Variants in MAPK8IP1 observed in about 807,000 individuals in gnomAD.
MAPK8IP1 encodes mitogen-activated protein kinase 8 interacting protein 1.
In MAPK8IP1, 17 loss-of-function variants were observed where a neutral mutation model predicts 72.6. That is an observed-to-expected ratio of 0.23 (90% confidence interval 0.16 to 0.35). The LOEUF (loss-of-function observed/expected upper bound fraction) is 0.35, where lower values mean the gene tolerates loss of function less well. Among genes scored for constraint, MAPK8IP1 ranks in the 10% least tolerant of loss-of-function variants. The pLI is 1.00. For synonymous variants in MAPK8IP1, 401 were observed against 443.4 expected (o/e 0.90, Z 1.20); for missense variants, 789 against 1,009.7 (o/e 0.78, Z 2.96).
chr11:45,896,594 GCA>G, intron 1 of MAPK8IP1: 1 of 1,296,806 alleles, frequency 7.7e-7, no homozygotes, highest in Non-Finnish European at 9.8e-7. Context: ...CACAGCGGCA[GCA>G]GCGCAAGGGC....
At chr11:45,887,325 C>T (rs950624626) in intron 1 of MAPK8IP1, among the ~76,000 whole-genome samples, 11 of 152,176 alleles carry the variant, frequency 7.2e-5, no homozygotes, top group Non-Finnish European at 1.6e-4. Context: ...AAAAGCACAT[C>T]AGGTCAGTGT....
chr11:45,897,320 G>C (rs1376926352), intron 1 of MAPK8IP1, among the ~76,000 whole-genome samples: 1 of 152,100 alleles, frequency 6.6e-6, no homozygotes, highest in Non-Finnish European at 1.5e-5. Context: ...GGCTGGCCTA[G>C]GGAGAGGGGG....
Position 45,904,686 on chromosome 11 carries a change from G to A in MAPK8IP1, c.1777-32G>A, listed in dbSNP as rs745873879. The A allele has an allele frequency of 1.9e-6, 3 of 1,606,146 alleles. No homozygotes were observed. Among genetic ancestry groups the A allele is most frequent in the South Asian group, 1.1e-5 (1 of 90,942 alleles). On this transcript the variant is annotated intron_variant, in intron 8 of 11. Coordinates refer to ENST00000241014, the MANE Select transcript of MAPK8IP1 (RefSeq NM_005456.4). This position sits in a 1 kb window ranked among gnomAD's most constrained non-coding sequence, Gnocchi z 6.4. ...GGAGGGATCAGCAGAGGAACAGACA[G>A]CAGCTGACGTGGCTCCATTTGTCAC...
chr11:45,904,881 C>G lies in MAPK8IP1; in HGVS notation c.1893+47C>G. ...CCTTCCTTCCATGGCCCCAAGCTCT[C>G]CCCCAAGACTTGTGATGAAGAGGCC... On this transcript the variant is annotated intron_variant, in intron 9 of 11. Transcript: ENST00000241014. This position sits in a 1 kb window ranked among gnomAD's most constrained non-coding sequence, Gnocchi z 6.4. 1 of 1,606,728 alleles carries G rather than the reference C, an allele frequency of 6.2e-7. No homozygotes were observed. The highest frequency in any genetic ancestry group is 8.5e-7 in the Non-Finnish European group (1 of 1,173,482).
rs1322610743 is a variant in MAPK8IP1, at chr11:45,906,303, G to T, written c.*582G>T. Reference sequence around the variant, plus strand: ...GGTGGCTCCTGCCACTGACCTCACCGGCATGCTGGCCTGTGGCAGGCCTAG... The same window carrying T: ...GGTGGCTCCTGCCACTGACCTCACCTGCATGCTGGCCTGTGGCAGGCCTAG... On this transcript the variant is annotated 3_prime_UTR_variant, in exon 12 of 12. Transcript: ENST00000241014. 2.5e-6 allele frequency: 1 copy of T among 395,636 alleles called. No homozygotes were observed. The highest frequency in any genetic ancestry group is 4.5e-6 in the Non-Finnish European group (1 of 223,374). The allele number at this position is 395,636 out of a possible 1,614,324, so 24.5% of individuals were successfully genotyped here. A position where few individuals can be genotyped will look rare whatever the true frequency, so the allele number is the denominator to read the frequency against.
rs546517121 is a variant in MAPK8IP1, at chr11:45,900,237, A to C, written c.307A>C (p.Thr103Pro). ...QMDLIDATGD[T>P]PGAEDDEEDD... is the part of the protein sequence containing the mutation. ...GGACCTGATCGACGCGACGGGGGACACTCCCGGGGCCGAGGACGACGAGGA... is the reference window on the plus strand; with the variant it reads ...GGACCTGATCGACGCGACGGGGGACCCTCCCGGGGCCGAGGACGACGAGGA... The change falls in exon 3 of 12, where the codon ACT becomes CCT. Residue 103 changes from threonine to proline, a missense_variant. This residue lies in a region of MAPK8IP1 where 112 missense variants were observed against 192.8 expected (regional missense o/e 0.58). Transcript: ENST00000241014. The surrounding 1 kb of genome is among the most constrained non-coding windows in gnomAD (Gnocchi z 6.5). 131 of 1,331,126 alleles carry C rather than the reference A, an allele frequency of 9.8e-5. No homozygotes were observed. The East Asian group carries it at 4.1e-3, about 41-fold the overall frequency. 82.5% of individuals were successfully genotyped at this position (1,331,126 alleles called of 1,614,324 possible). A position where few individuals can be genotyped will look rare whatever the true frequency, so the allele number is the denominator to read the frequency against.
intron 1 of MAPK8IP1, among the ~76,000 whole-genome samples, chr11:45,886,942 G>A (rs919081360): frequency 2.0e-5 from 3 of 152,096 alleles, no homozygotes; most frequent in African/African-American, 7.2e-5. Context: ...CCTCAGGTGG[G>A]CAGAGACCCC....
chr11:45,894,317 G>C (rs1257522008), intron 1 of MAPK8IP1, among the ~76,000 whole-genome samples: 1 of 152,136 alleles, frequency 6.6e-6, no homozygotes, highest in Non-Finnish European at 1.5e-5. Context: ...TTCCAAGCCT[G>C]ATATGGTGAT....
intron 3 of MAPK8IP1, 92 bp from the exon 4 acceptor site, chr11:45,901,888 C>T (rs987340362): frequency 1.1e-6 from 1 of 938,422 alleles, no homozygotes; most frequent in African/African-American, 1.6e-5. Context: ...GCAAATGGCC[C>T]TAGGGATGGC....
In MAPK8IP1 at chr11:45,904,582, CT is replaced by C; in HGVS notation, c.1776+20del. On this transcript the variant is annotated intron_variant, in intron 8 of 11. Coordinates refer to ENST00000241014, the MANE Select transcript of MAPK8IP1 (RefSeq NM_005456.4). The surrounding 1 kb of genome is among the most constrained non-coding windows in gnomAD (Gnocchi z 6.4). ...TGCAAAAGGTACCTGAGCCCTCTCC[CT>C]TCTCCTCCCTTGGATGGGTCCCTGG... 1 of 1,611,516 alleles carries C rather than the reference CT, an allele frequency of 6.2e-7. No homozygotes were observed. Among genetic ancestry groups the C allele is most frequent in the South Asian group, 1.1e-5 (1 of 91,036 alleles).
chr11:45,896,851 CGCAGCCCCCCG>C (rs1389018342), intron 1 of MAPK8IP1: 1 of 1,548,404 alleles, frequency 6.5e-7, no homozygotes. Flanking sequence ...CCTGGGGCCC[CGCAGCCCCCCG>C]GCCGGGCAGG....
intron 1 of MAPK8IP1, among the ~76,000 whole-genome samples, chr11:45,895,646 A>T (rs1471121844): frequency 6.9e-6 from 1 of 144,754 alleles, no homozygotes. Context: ...ATATATATAT[A>T]TATATATATA....
rs1292521691 is a variant in MAPK8IP1, at chr11:45,898,227, G to A, written c.207+37G>A. On this transcript the variant is annotated intron_variant, in intron 2 of 11. Transcript: ENST00000241014. ...CTCCCAGGAGCTCCTGAGTGGGGTG[G>A]CAGGAAGGCTAGGGACAGGGGTAAG... 9.6e-6 allele frequency: 14 copies of A among 1,460,714 alleles called. No homozygotes were observed. The East Asian group carries it at 3.0e-4, about 31-fold the overall frequency. 90.5% of individuals were successfully genotyped at this position (1,460,714 alleles called of 1,614,324 possible). A position where few individuals can be genotyped will look rare whatever the true frequency, so the allele number is the denominator to read the frequency against.
chr11:45,902,110 A>G lies in MAPK8IP1; in HGVS notation c.604+49A>G. The G allele has an allele frequency of 6.7e-7, 1 of 1,496,812 alleles. No homozygotes were observed. The allele number at this position is 1,496,812 out of a possible 1,614,324, so 92.7% of individuals were successfully genotyped here. A position where few individuals can be genotyped will look rare whatever the true frequency, so the allele number is the denominator to read the frequency against. On this transcript the variant is annotated intron_variant, in intron 4 of 11. Transcript: ENST00000241014. The surrounding 1 kb of genome is among the most constrained non-coding windows in gnomAD (Gnocchi z 9.3). Reference sequence around the variant, plus strand: ...CCTGGACCTCCGCCTGCCCTGACTCAGTCCCCACTACAGAGAGCAAACCCT... The same window carrying G: ...CCTGGACCTCCGCCTGCCCTGACTCGGTCCCCACTACAGAGAGCAAACCCT...
chr11:45,902,482 C>T lies in MAPK8IP1; in HGVS notation c.715C>T (p.Arg239Cys), dbSNP rs768351109. The part of the protein sequence containing the change: ...RGTSTDSPCR[R>C]STATQMAPPG... ...CACCTCCACCGACAGCCCTTGCCGCCGCAGCACAGCCACCCAGATGGCACC... is the reference window on the plus strand; with the variant it reads ...CACCTCCACCGACAGCCCTTGCCGCTGCAGCACAGCCACCCAGATGGCACC... Residue 239 changes from arginine (R) to cysteine (C), a missense_variant, in exon 5 of 12, where the codon CGC becomes TGC. Coordinates refer to ENST00000241014, the MANE Select transcript of MAPK8IP1 (RefSeq NM_005456.4). The surrounding 1 kb of genome is among the most constrained non-coding windows in gnomAD (Gnocchi z 9.3). The T allele has an allele frequency of 6.9e-5, 110 of 1,605,464 alleles. No individual in the cohort carries two copies. The highest frequency in any genetic ancestry group is 8.4e-5 in the Non-Finnish European group (99 of 1,176,890).
At chr11:45,896,557 G>A in intron 1 of MAPK8IP1, 1 of 1,215,364 alleles carries the variant, frequency 8.2e-7, no homozygotes, top group South Asian at 2.7e-5. Flanking sequence ...ATTGATTGCA[G>A]TAACCTGATC....
intron 1 of MAPK8IP1, among the ~76,000 whole-genome samples, chr11:45,890,819 T>G (rs1306620751): frequency 6.6e-6 from 1 of 152,154 alleles, no homozygotes; most frequent in Non-Finnish European, 1.5e-5. Context: ...CAGTCGGTTT[T>G]GGGTCTGGAG....
In MAPK8IP1 at chr11:45,905,222, C is replaced by A; in HGVS notation, c.2036C>A (p.Ser679Tyr). 1 of 1,612,468 alleles carries A rather than the reference C, an allele frequency of 6.2e-7. No homozygotes were observed. The highest frequency in any genetic ancestry group is 8.5e-7 in the Non-Finnish European group (1 of 1,180,014). Residue 679 changes from serine (S) to tyrosine (Y), a missense_variant, in exon 11 of 12, where the codon TCC becomes TAC. Ser to Tyr is a moderately radical substitution (Grantham distance 144). This residue lies in a region of MAPK8IP1 where 188 missense variants were observed against 293.3 expected (regional missense o/e 0.64). Coordinates refer to ENST00000241014, the MANE Select transcript of MAPK8IP1 (RefSeq NM_005456.4). ...TGCCACGTCTTTGTGTCTGAAGACTCCACCAAAGCCCTGGCAGAGTCCGTG... is the reference window on the plus strand; with the variant it reads ...TGCCACGTCTTTGTGTCTGAAGACTACACCAAAGCCCTGGCAGAGTCCGTG... ...FACHVFVSED[S>Y]TKALAESVGR...
At position 45,900,487 on chromosome 11, in the gene MAPK8IP1, C is replaced by A. The variant is rs1376534864; in HGVS notation, c.522+35C>A. 2 of 1,529,544 alleles carry A rather than the reference C, an allele frequency of 1.3e-6. No homozygotes were observed. The highest frequency in any genetic ancestry group is 8.7e-7 in the Non-Finnish European group (1 of 1,144,146). The allele number at this position is 1,529,544 out of a possible 1,614,324, so 94.7% of individuals were successfully genotyped here. ...CAACGTGGGGGGCGGCGCCCTGGGC[C>A]GCCGCGGAGATGTGAGGGGGAGCGC... is the stretch of plus-strand genomic sequence containing the variant. On this transcript the variant is annotated intron_variant, in intron 3 of 11. Transcript: ENST00000241014. This position sits in a 1 kb window ranked among gnomAD's most constrained non-coding sequence, Gnocchi z 6.5.
Sources: allele counts gnomAD v4.1 joint callset (sites outside exome capture counted in the v4.1 genomes callset), GRCh38; gene constraint gnomAD v4.1.1; regional missense constraint gnomAD v4.1.1; non-coding constraint Gnocchi (gnomAD v3.1); transcripts MANE v1.5; gene names NCBI Gene and HGNC (gene_info 2026-07-23, HGNC 2026-07-21).